Variants in PTPRT observed in about 807,000 individuals in gnomAD.
PTPRT encodes the protein receptor-type tyrosine-protein phosphatase T.
In PTPRT, 56 loss-of-function variants were observed where a neutral mutation model predicts 176.8. That is an observed-to-expected ratio of 0.32 (90% CI 0.26 to 0.40). PTPRT has a LOEUF of 0.40. Among genes scored for constraint, PTPRT ranks in the 10% least tolerant of loss-of-function variants. The probability of loss-of-function intolerance (pLI) is 1.00; values close to 1 mark genes in which losing one functional copy is unlikely to be tolerated. For synonymous variants in PTPRT, 783 were observed against 739.0 expected (o/e 1.06, Z -0.96); for missense variants, 1,540 against 1,908.2 (o/e 0.81, Z 3.60).
chr20:43,017,146 T>C (rs1313393261), intron 1 of PTPRT, among the ~76,000 whole-genome samples: 2 of 152,230 alleles, frequency 1.3e-5, no homozygotes, highest in Non-Finnish European at 1.5e-5. Flanking sequence ...CTCTACTCCT[T>C]GCCCCAACCT....
intron 13 of PTPRT, among the ~76,000 whole-genome samples, chr20:42,261,684 T>C (rs1433651685): frequency 6.6e-6 from 1 of 152,036 alleles, no homozygotes. Context: ...GGATAATATG[T>C]CTCAGCTTCC....
intron 2 of PTPRT, among the ~76,000 whole-genome samples, chr20:42,817,805 T>A (rs1031603016): frequency 6.6e-6 from 1 of 152,098 alleles, no homozygotes; most frequent in Non-Finnish European, 1.5e-5. Context: ...CCTTCCTCAT[T>A]GGGCAGGGCT....
the PTPRT span, among the ~76,000 whole-genome samples, chr20:42,065,528 T>G: frequency 6.6e-6 from 1 of 152,198 alleles, no homozygotes; most frequent in Non-Finnish European, 1.5e-5. Context: ...GTAACTATAC[T>G]CCGTGTGGTG....
At chr20:43,053,494 C>A (rs903772802) in intron 1 of PTPRT, among the ~76,000 whole-genome samples, 1 of 152,226 alleles carries the variant, frequency 6.6e-6, no homozygotes, top group Non-Finnish European at 1.5e-5. Context: ...CCATCACACA[C>A]AAACTCCCAG....
intron 11 of PTPRT, among the ~76,000 whole-genome samples, chr20:42,345,582 ATG>A (rs56310086): frequency 0.15 from 14,367 of 94,360 alleles, 1,357 homozygotes; most frequent in African/African-American, 0.25. Flanking sequence ...ATACATATAT[ATG>A]TGTGTGTGTG....
intron 1 of PTPRT, among the ~76,000 whole-genome samples, chr20:43,146,441 T>C (rs995130246): frequency 5.3e-5 from 8 of 152,272 alleles, no homozygotes; most frequent in Admixed American, 1.3e-4. Context: ...TGATTCTGTG[T>C]TCAGAATAAC....
intron 16 of PTPRT, among the ~76,000 whole-genome samples, chr20:42,162,637 C>T (rs117402872): frequency 8.2e-4 from 125 of 152,364 alleles, no homozygotes; most frequent in Non-Finnish European, 1.5e-3. Flanking sequence ...GAGATGAGAA[C>T]TGCCAGCTGC....
intron 9 of PTPRT, among the ~76,000 whole-genome samples, chr20:42,432,206 T>C (rs2059221251): frequency 6.6e-6 from 1 of 152,196 alleles, no homozygotes; most frequent in Admixed American, 6.5e-5. Context: ...TAGGACTTGA[T>C]ACCCAGGAGC....
intron 14 of PTPRT, among the ~76,000 whole-genome samples, chr20:42,239,413 CTTTTTTTTTTTTTT>C (rs35978863): frequency 8.9e-4 from 72 of 81,230 alleles, no homozygotes; most frequent in African/African-American, 3.2e-3. Flanking sequence ...CATTTTCTTT[CTTTTTTTTTTTTTT>C]TTTTTTTTTT....
chr20:42,322,197 T>C (rs905790482), intron 11 of PTPRT, among the ~76,000 whole-genome samples: 1 of 151,864 alleles, frequency 6.6e-6, no homozygotes, highest in Non-Finnish European at 1.5e-5. Context: ...AGGTAATTTA[T>C]AGATTCAATG....
intron 2 of PTPRT, among the ~76,000 whole-genome samples, chr20:42,821,653 T>C (rs2077896232): frequency 6.6e-6 from 1 of 152,130 alleles, no homozygotes; most frequent in Non-Finnish European, 1.5e-5. Context: ...ATTTTATGTA[T>C]AGAAAACCCC....
At chr20:42,574,726 C>A (rs2073225268) in intron 7 of PTPRT, among the ~76,000 whole-genome samples, 1 of 152,072 alleles carries the variant, frequency 6.6e-6, no homozygotes, top group Non-Finnish European at 1.5e-5. Context: ...CTCTGTGTCC[C>A]CACTCAAATC....
At chr20:42,700,121 C>T (rs1032588635) in intron 6 of PTPRT, among the ~76,000 whole-genome samples, 2 of 152,186 alleles carry the variant, frequency 1.3e-5, no homozygotes, top group Admixed American at 6.5e-5. Context: ...GATTTCTTGA[C>T]ATAGCACTCG....
At chr20:42,868,351 T>C (rs866188668) in intron 2 of PTPRT, among the ~76,000 whole-genome samples, 1 of 152,194 alleles carries the variant, frequency 6.6e-6, no homozygotes, top group Non-Finnish European at 1.5e-5. Flanking sequence ...GGAGGAAAAC[T>C]CATAGTCTTC....
intron 2 of PTPRT, among the ~76,000 whole-genome samples, chr20:42,828,703 G>A (rs187102564): frequency 1.3e-5 from 2 of 152,306 alleles, no homozygotes; most frequent in East Asian, 3.9e-4. Flanking sequence ...TTAAGAGGGT[G>A]CAAGTCCTGT....
chr20:42,374,877 A>G (rs1484240191), intron 9 of PTPRT, among the ~76,000 whole-genome samples: 1 of 152,256 alleles, frequency 6.6e-6, no homozygotes, highest in Non-Finnish European at 1.5e-5. Flanking sequence ...AGTAACAACT[A>G]GAATCTGACA....
intron 6 of PTPRT, among the ~76,000 whole-genome samples, chr20:42,742,755 A>C (rs1431601564): frequency 1.3e-5 from 2 of 152,180 alleles, no homozygotes; most frequent in Non-Finnish European, 2.9e-5. Flanking sequence ...ACACTCTGCG[A>C]TTTCCACACT....
chr20:42,037,508 A>C, the PTPRT span, among the ~76,000 whole-genome samples: 1 of 152,196 alleles, frequency 6.6e-6, no homozygotes, highest in East Asian at 1.9e-4. Context: ...CATGGACATG[A>C]AGCATCACCC....
intron 7 of PTPRT, among the ~76,000 whole-genome samples, chr20:42,504,436 G>A (rs568724515): frequency 2.2e-4 from 33 of 152,180 alleles, no homozygotes; most frequent in Non-Finnish European, 3.7e-4. Flanking sequence ...GTGCATACAG[G>A]TTTAGAATTG....
Sources: gnomAD v4.1 joint callset for allele counts (sites outside exome capture counted in the v4.1 genomes callset) on GRCh38, gnomAD v4.1.1 for gene constraint, MANE v1.5 for transcripts, NCBI Gene and HGNC (gene_info 2026-07-23, HGNC 2026-07-21) for gene names.